The following PDE9A variants were observed in gnomAD, a reference collection of about 807,000 sequenced individuals.
PDE9A encodes the protein high affinity cGMP-specific 3',5'-cyclic phosphodiesterase 9A.
A neutral mutation model predicts 87.4 loss-of-function variants in PDE9A; 60 were observed. The ratio of observed to expected loss-of-function variants is 0.69; its 90% CI spans 0.56 to 0.85. The LOEUF (loss-of-function observed/expected upper bound fraction) is 0.85, where lower values mean the gene tolerates loss of function less well. PDE9A is among the 40% of genes least tolerant of loss of function. The probability of loss-of-function intolerance (pLI) is 0.00; values close to 1 mark genes in which losing one functional copy is unlikely to be tolerated. For missense variants in PDE9A, 665 were observed against 779.0 expected (o/e 0.85, Z 1.74); for synonymous variants, 272 against 279.4 (o/e 0.97, Z 0.27).
At chr21:42,667,960 G>A (rs1177454801) in intron 1 of PDE9A, among the ~76,000 whole-genome samples, 2 of 142,676 alleles carry the variant, frequency 1.4e-5, no homozygotes, top group Non-Finnish European at 3.0e-5. Context: ...TGGAATGGGC[G>A]ATGCCGGCTT....
intron 1 of PDE9A, among the ~76,000 whole-genome samples, chr21:42,664,597 A>G (rs2057833594): frequency 6.7e-6 from 1 of 149,502 alleles, no homozygotes; most frequent in African/African-American, 2.4e-5. Flanking sequence ...CTTTTCTGGC[A>G]GGAAATTTGT....
intron 4 of PDE9A, among the ~76,000 whole-genome samples, chr21:42,701,415 T>C (rs1396158726): frequency 1.3e-5 from 2 of 149,556 alleles, no homozygotes; most frequent in African/African-American, 4.9e-5. Context: ...GAAAAAGCTT[T>C]TCTTTGCTGT....
At position 42,694,518 on chromosome 21, in the gene PDE9A, G is replaced by A. The variant is rs1019765533; in HGVS notation, c.219-4450G>A. Among the ~76,000 whole-genome samples the A allele has an allele frequency of 1.3e-5, 2 of 152,178 alleles. No individual in the cohort carries two copies. The highest frequency in any genetic ancestry group is 6.5e-5 in the Admixed American group (1 of 15,282). On this transcript the variant is annotated intron_variant, in intron 3 of 19. Transcript: ENST00000291539. The surrounding 1 kb of genome is among the most constrained non-coding windows in gnomAD (Gnocchi z 5.3). ...CATCCTGATCAGAAGGGGTGATGCC[G>A]GTTGCACGGTCTCTTAGAGCTTAAA...
At chr21:42,717,986 C>T (rs1401723733) in intron 4 of PDE9A, among the ~76,000 whole-genome samples, 1 of 151,506 alleles carries the variant, frequency 6.6e-6, no homozygotes, top group African/African-American at 2.4e-5. Context: ...GTGGTGCGAT[C>T]TCGGCTCACT....
intron 8 of PDE9A, among the ~76,000 whole-genome samples, chr21:42,748,238 G>T (rs536574290): frequency 2.0e-5 from 3 of 152,196 alleles, no homozygotes; most frequent in Admixed American, 6.5e-5. Context: ...CGCAGAAAAC[G>T]TTCGTTACTT....
intron 1 of PDE9A, among the ~76,000 whole-genome samples, chr21:42,665,905 A>G (rs1460388967): frequency 2.6e-5 from 4 of 152,100 alleles, no homozygotes; most frequent in Non-Finnish European, 2.9e-5. Flanking sequence ...CAAGCTCCTG[A>G]TGCTCCCCTG....
At chr21:42,686,685 A>C (rs1363894193) in intron 2 of PDE9A, among the ~76,000 whole-genome samples, 1 of 152,050 alleles carries the variant, frequency 6.6e-6, no homozygotes, top group Non-Finnish European at 1.5e-5. Flanking sequence ...CGTGGTGGCG[A>C]GCACCTGTCA....
Position 42,726,719 on chromosome 21 carries a change from C to G in PDE9A, c.263-5051C>G, listed in dbSNP as rs148256699. ...CAAGCAATCCTCCAACCTCGACCTC[C>G]CAAAGTGCTGGGATTACAGGCATGC... On this transcript the variant is annotated intron_variant, in intron 4 of 19. Transcript: ENST00000291539. Among the ~76,000 whole-genome samples, 1,398 of 146,230 alleles carry G rather than the reference C, an allele frequency of 9.6e-3. 9 individuals are homozygous for G. The highest frequency in any genetic ancestry group is 0.015 in the Non-Finnish European group (995 of 67,164).
In PDE9A at chr21:42,731,966, C is replaced by T. The variant is rs769660726; in HGVS notation, c.442+17C>T. 2.5e-5 allele frequency: 41 copies of T among 1,611,860 alleles called. No individual in the cohort carries two copies. In the East Asian group the frequency reaches 3.3e-4, roughly 13 times the overall value. ...TCCCTCCAGGTAACGGGCAGCTCCTCGGCCACAGCCTCCACCCCCCAACAC... is the reference window on the plus strand; with the variant it reads ...TCCCTCCAGGTAACGGGCAGCTCCTTGGCCACAGCCTCCACCCCCCAACAC... On this transcript the variant is annotated intron_variant, in intron 5 of 19. Transcript: ENST00000291539.
In PDE9A at chr21:42,694,388, G is replaced by A. The variant is rs2060036193; in HGVS notation, c.219-4580G>A. Among the ~76,000 whole-genome samples the A allele has an allele frequency of 6.6e-6, 1 of 152,142 alleles. No homozygotes were observed. The highest frequency in any genetic ancestry group is 1.5e-5 in the Non-Finnish European group (1 of 68,034). On this transcript the variant is annotated intron_variant, in intron 3 of 19. Coordinates refer to ENST00000291539, the MANE Select transcript of PDE9A (RefSeq NM_002606.3). This position sits in a 1 kb window ranked among gnomAD's most constrained non-coding sequence, Gnocchi z 5.3. ...ATCTGGCATGCTTGGATTCCTGCAGGTGGCTGGTTGCACCTAGCTTGCTTG... is the reference window on the plus strand; with the variant it reads ...ATCTGGCATGCTTGGATTCCTGCAGATGGCTGGTTGCACCTAGCTTGCTTG...
At chr21:42,726,981 G>T (rs2051189941) in intron 4 of PDE9A, among the ~76,000 whole-genome samples, 1 of 149,770 alleles carries the variant, frequency 6.7e-6, no homozygotes, top group Non-Finnish European at 1.5e-5. Context: ...AAATAAGATA[G>T]GCTGATTCCT....
At chr21:42,716,898 G>A (rs1312622886) in intron 4 of PDE9A, among the ~76,000 whole-genome samples, 11 of 150,438 alleles carry the variant, frequency 7.3e-5, no homozygotes, top group Non-Finnish European at 1.3e-4. Flanking sequence ...TTACAGATGT[G>A]TGCCGCCACG....
chr21:42,739,182 T>C lies in PDE9A; in HGVS notation c.569-4594T>C, dbSNP rs1373876718. 6.6e-6 allele frequency among the ~76,000 whole-genome samples: 1 copy of C among 152,160 alleles called. No individual in the cohort carries two copies. Among genetic ancestry groups the C allele is most frequent in the Non-Finnish European group, 1.5e-5 (1 of 68,008 alleles). On this transcript the variant is annotated intron_variant, in intron 7 of 19. Coordinates refer to ENST00000291539, the MANE Select transcript of PDE9A (RefSeq NM_002606.3). This position sits in a 1 kb window ranked among gnomAD's most constrained non-coding sequence, Gnocchi z 4.1. ...GTGGTGCGTGGTCTGTGCCCGCCTG[T>C]GTTCAGCGTTTGAAGGCAGAGGAGC...
At chr21:42,697,346 C>T (rs1602115236) in intron 3 of PDE9A, 2 of 890,584 alleles carry the variant, frequency 2.2e-6, no homozygotes, top group South Asian at 2.8e-5. Flanking sequence ...ACATGTATTG[C>T]CCCCAGTTAA....
intron 7 of PDE9A, among the ~76,000 whole-genome samples, chr21:42,738,444 A>G (rs2146812299): frequency 6.6e-6 from 1 of 152,272 alleles, no homozygotes; most frequent in Admixed American, 6.5e-5. Context: ...GCTGGAGCAC[A>G]GTGAGGCTGG....
chr21:42,746,681 AAC>A (rs1395247025), intron 8 of PDE9A, among the ~76,000 whole-genome samples: 5 of 152,180 alleles, frequency 3.3e-5, no homozygotes, highest in Non-Finnish European at 7.4e-5. Context: ...TTCAGCCCAT[AAC>A]ACACCACGTG....
chr21:42,715,188 CTTTTTTTT>C (rs369972172), intron 4 of PDE9A, among the ~76,000 whole-genome samples: 2 of 104,692 alleles, frequency 1.9e-5, no homozygotes, highest in African/African-American at 4.1e-5. Context: ...TGCATCTTTA[CTTTTTTTT>C]TTTTTTTTTT....
At position 42,759,691 on chromosome 21, in the gene PDE9A, G is replaced by A. The variant is rs548606400; in HGVS notation, c.897+606G>A. 6.6e-6 allele frequency among the ~76,000 whole-genome samples: 1 copy of A among 150,764 alleles called. No individual in the cohort carries two copies. The highest frequency in any genetic ancestry group is 2.4e-5 in the African/African-American group (1 of 41,014). ...GATGTGTGCATGTGTATATCTGGATGTGGGGTGTGTCTGTGTGTGGGTGTG... is the reference window on the plus strand; with the variant it reads ...GATGTGTGCATGTGTATATCTGGATATGGGGTGTGTCTGTGTGTGGGTGTG... On this transcript the variant is annotated intron_variant, in intron 11 of 19. Transcript: ENST00000291539. The surrounding 1 kb of genome is among the most constrained non-coding windows in gnomAD (Gnocchi z 7.2).
intron 19 of PDE9A, 138 bp from the exon 20 acceptor site, chr21:42,775,142 A>G: frequency 7.2e-6 from 5 of 696,220 alleles, no homozygotes; most frequent in Middle Eastern, 2.8e-4. Context: ...GGGTTTCACC[A>G]TGTTGGTCAG....
Sources: gnomAD v4.1 joint callset for allele counts (sites outside exome capture counted in the v4.1 genomes callset) on GRCh38, gnomAD v4.1.1 for gene constraint, Gnocchi (gnomAD v3.1) non-coding constraint, MANE v1.5 for transcripts, NCBI Gene and HGNC (gene_info 2026-07-23, HGNC 2026-07-21) for gene names.